The following REDIC1 variants were observed in gnomAD, a reference collection of about 807,000 sequenced individuals.
REDIC1 encodes the protein regulator of DNA class I crossover intermediates 1.
At chr12:39,792,360 C>A in the REDIC1 span, among the ~76,000 whole-genome samples, 4 of 151,550 alleles carry the variant, frequency 2.6e-5, no homozygotes, top group Non-Finnish European at 4.4e-5. Flanking sequence ...GCAACAAAAG[C>A]CAAAATTGAC....
At chr12:39,702,440 C>G in the REDIC1 span, among the ~76,000 whole-genome samples, 1 of 152,062 alleles carries the variant, frequency 6.6e-6, no homozygotes, top group African/African-American at 2.4e-5. Context: ...TGGCAATAAT[C>G]AATAGCTTAC....
chr12:39,714,206 CATGCATATACGT>C, the REDIC1 span, among the ~76,000 whole-genome samples: 2 of 13,162 alleles, frequency 1.5e-4, no homozygotes, highest in African/African-American at 2.6e-4. Context: ...TATGTATATA[CATGCATATACGT>C]ATATGCATGC....
the REDIC1 span, among the ~76,000 whole-genome samples, chr12:39,694,609 G>T: frequency 6.6e-6 from 1 of 152,180 alleles, no homozygotes; most frequent in Non-Finnish European, 1.5e-5. Context: ...GTTTGCATAA[G>T]CCCTCCTATT....
chr12:39,748,501 G>C, the REDIC1 span, among the ~76,000 whole-genome samples: 1 of 152,160 alleles, frequency 6.6e-6, no homozygotes, highest in Non-Finnish European at 1.5e-5. Context: ...GTCAACATTA[G>C]ACAGATCAAT....
chr12:39,722,881 TCTTTATTTGCC>T, the REDIC1 span, among the ~76,000 whole-genome samples: 4 of 152,160 alleles, frequency 2.6e-5, no homozygotes, highest in Non-Finnish European at 2.9e-5. Flanking sequence ...CTAGTGAGTG[TCTTTATTTGCC>T]TAGGAAGCTT....
chr12:39,785,396 G>C, the REDIC1 span, among the ~76,000 whole-genome samples: 1 of 152,238 alleles, frequency 6.6e-6, no homozygotes, highest in Non-Finnish European at 1.5e-5. Flanking sequence ...GTGCACAGAA[G>C]TCAAGAATTG....
chr12:39,818,050 A>G, the REDIC1 span, among the ~76,000 whole-genome samples: 1 of 152,178 alleles, frequency 6.6e-6, no homozygotes, highest in African/African-American at 2.4e-5. Context: ...TAACTTCTAC[A>G]GATGTTTCCT....
At chr12:39,728,643 G>T in the REDIC1 span, among the ~76,000 whole-genome samples, 2 of 152,120 alleles carry the variant, frequency 1.3e-5, no homozygotes, top group Admixed American at 6.5e-5. Flanking sequence ...TTTGGTATCA[G>T]GATGATGCTG....
chr12:39,746,296 C>A, the REDIC1 span, among the ~76,000 whole-genome samples: 1 of 152,208 alleles, frequency 6.6e-6, no homozygotes, highest in South Asian at 2.1e-4. Context: ...ATGTCCCATG[C>A]CTGGCTTGGA....
chr12:39,727,908 T>C, the REDIC1 span, among the ~76,000 whole-genome samples: 1 of 152,190 alleles, frequency 6.6e-6, no homozygotes, highest in African/African-American at 2.4e-5. Flanking sequence ...TTATTATCTT[T>C]GTAGCAATTG....
At chr12:39,664,855 T>C in the REDIC1 span, among the ~76,000 whole-genome samples, 3 of 152,236 alleles carry the variant, frequency 2.0e-5, no homozygotes, top group Non-Finnish European at 4.4e-5. Context: ...CATGTGTCTG[T>C]TGGCTGCATA....
chr12:39,812,434 C>T, the REDIC1 span, among the ~76,000 whole-genome samples: 1 of 144,452 alleles, frequency 6.9e-6, no homozygotes, highest in African/African-American at 2.6e-5. Flanking sequence ...GCCTTCCTTC[C>T]TTTTCTTTCT....
chr12:39,671,565 T>C, the REDIC1 span, among the ~76,000 whole-genome samples: 28 of 152,240 alleles, frequency 1.8e-4, no homozygotes, highest in Admixed American at 6.5e-4. Context: ...GGTGGGTAAG[T>C]CCTTGGGCCC....
the REDIC1 span, among the ~76,000 whole-genome samples, chr12:39,832,356 C>T: frequency 5.3e-5 from 8 of 152,136 alleles, no homozygotes; most frequent in African/African-American, 1.7e-4. Context: ...GAAAGGTCAA[C>T]TCACTCATTT....
At chr12:39,804,060 G>T in the REDIC1 span, among the ~76,000 whole-genome samples, 1 of 151,920 alleles carries the variant, frequency 6.6e-6, no homozygotes, top group Non-Finnish European at 1.5e-5. Flanking sequence ...GAAAAAAACT[G>T]GTGTGCATGT....
the REDIC1 span, chr12:39,716,690 C>G: frequency 8.6e-7 from 1 of 1,160,450 alleles, no homozygotes; most frequent in Non-Finnish European, 1.2e-6. Flanking sequence ...TATCTTCTGC[C>G]TGGCATATGT....
chr12:39,740,314 T>C, the REDIC1 span, among the ~76,000 whole-genome samples: 4 of 152,174 alleles, frequency 2.6e-5, no homozygotes, highest in Non-Finnish European at 5.9e-5. Context: ...CTTGAGACCA[T>C]TTATATGGCA....
the REDIC1 span, chr12:39,721,117 G>A: frequency 6.2e-7 from 1 of 1,613,748 alleles, no homozygotes; most frequent in Non-Finnish European, 8.5e-7. Context: ...GGAAAAATTA[G>A]ATGTTGCCAT....
the REDIC1 span, among the ~76,000 whole-genome samples, chr12:39,712,389 T>C: frequency 1.5e-5 from 2 of 133,494 alleles, no homozygotes; most frequent in African/African-American, 5.4e-5. Context: ...CCTATATATA[T>C]ACCTGTATGT....
Sources: allele counts gnomAD v4.1 joint callset (sites outside exome capture counted in the v4.1 genomes callset), GRCh38; gene constraint gnomAD v4.1.1; transcripts MANE v1.5; gene names NCBI Gene and HGNC (gene_info 2026-07-23, HGNC 2026-07-21).